PCSK2: variants seen among roughly 807,000 people sequenced by gnomAD.
The protein encoded by PCSK2 is proprotein convertase subtilisin/kexin type 2, also known as neuroendocrine convertase 2.
Under a neutral mutation model 69.7 loss-of-function variants are expected in PCSK2, and 14 were observed. The observed-to-expected ratio is 0.20, with a 90% CI of 0.13 to 0.31. The LOEUF (loss-of-function observed/expected upper bound fraction) is 0.31. Ranked by LOEUF, PCSK2 falls within the 10% of genes least tolerant of loss-of-function variation. PCSK2 has a pLI of 1.00. For missense variants in PCSK2, 544 were observed against 842.5 expected, an observed-to-expected ratio of 0.65 and a Z score of 4.39; for synonymous variants, 307 against 320.7, an observed-to-expected ratio of 0.96 and a Z score of 0.46.
chr20:17,386,259 T>C (rs1390479947), intron 5 of PCSK2, among the ~76,000 whole-genome samples: 2 of 152,192 alleles, frequency 1.3e-5, no homozygotes, highest in Non-Finnish European at 2.9e-5. Context: ...GGATAAAATA[T>C]AAATAAATAT....
At chr20:17,449,443 C>G (rs1460744792) in intron 8 of PCSK2, among the ~76,000 whole-genome samples, 1 of 149,678 alleles carries the variant, frequency 6.7e-6, no homozygotes, top group African/African-American at 2.5e-5. Context: ...CAATATTTGC[C>G]TGGCTGAATT....
At chr20:17,323,144 C>G in intron 2 of PCSK2, among the ~76,000 whole-genome samples, 1 of 152,192 alleles carries the variant, frequency 6.6e-6, no homozygotes, top group Non-Finnish European at 1.5e-5. Context: ...GGATTACAGG[C>G]GTGAGTCACC....
At chr20:17,389,398 A>G (rs1342104538) in intron 5 of PCSK2, among the ~76,000 whole-genome samples, 1 of 152,208 alleles carries the variant, frequency 6.6e-6, no homozygotes, top group Non-Finnish European at 1.5e-5. Flanking sequence ...GATATAGAGT[A>G]TATGTCCACA....
At chr20:17,393,209 C>A (rs993135691) in intron 5 of PCSK2, among the ~76,000 whole-genome samples, 1 of 152,072 alleles carries the variant, frequency 6.6e-6, no homozygotes, top group Non-Finnish European at 1.5e-5. Flanking sequence ...ATCACTTGCC[C>A]GTTTTTATTT....
chr20:17,232,681 C>T (rs889096890), intron 1 of PCSK2, among the ~76,000 whole-genome samples: 1 of 152,190 alleles, frequency 6.6e-6, no homozygotes, highest in African/African-American at 2.4e-5. Context: ...TATGCTTTTA[C>T]TTCTACTTTG....
rs117863199 is a variant in PCSK2, at chr20:17,295,362, A to T, written c.282+35018A>T. ...AACCCAGACAGTCTGATTCAGAGCC[A>T]GGAACACTCTACCACCGTGCAATAC... On this transcript the variant is annotated intron_variant, in intron 2 of 11. Transcript: ENST00000262545. 3.3e-5 allele frequency among the ~76,000 whole-genome samples: 5 copies of T among 152,190 alleles called. No homozygotes were observed. The South Asian group carries it at 1.0e-3, about 32-fold the overall frequency.
intron 2 of PCSK2, among the ~76,000 whole-genome samples, chr20:17,306,222 T>C (rs1039686734): frequency 1.3e-5 from 2 of 152,230 alleles, no homozygotes; most frequent in African/African-American, 4.8e-5. Context: ...TCTTGGTTTG[T>C]AGATAAATTA....
intron 7 of PCSK2, among the ~76,000 whole-genome samples, chr20:17,436,506 A>T (rs2032487109): frequency 6.6e-6 from 1 of 152,214 alleles, no homozygotes; most frequent in East Asian, 1.9e-4. Context: ...TCATTACATC[A>T]GCAAAGATGT....
chr20:17,433,189 A>G (rs940553167), intron 7 of PCSK2, among the ~76,000 whole-genome samples: 2 of 152,238 alleles, frequency 1.3e-5, no homozygotes, highest in African/African-American at 2.4e-5. Flanking sequence ...ACTGTTGACC[A>G]TTGTGAAAAT....
chr20:17,481,996 A>G lies in PCSK2; in HGVS notation c.1843A>G (p.Lys615Glu). Residue 615 changes from lysine to glutamate, a missense_variant, in exon 12 of 12, where the codon AAG becomes GAG. Physicochemically the swap from Lys to Glu is moderately conservative, Grantham distance 56. This residue lies in a region of PCSK2 where 200 missense variants were observed against 287.8 expected (regional missense o/e 0.69). Transcript: ENST00000262545. ...TTACCAGTCCAAGTTGGCCATGTCCAAGAAAGAGGAGCTGGAGGAAGAGCT... is the reference window on the plus strand; with the variant it reads ...TTACCAGTCCAAGTTGGCCATGTCCGAGAAAGAGGAGCTGGAGGAAGAGCT... ...RDYQSKLAMSKKEELEEELDE... is the reference protein window; with the variant it reads ...RDYQSKLAMSEKEELEEELDE... 12 of 1,612,466 alleles carry G rather than the reference A, an allele frequency of 7.4e-6. No individual in the cohort carries two copies. Among genetic ancestry groups the G allele is most frequent in the Non-Finnish European group, 1.0e-5 (12 of 1,179,726 alleles).
At chr20:17,254,528 T>A (rs140761225) in intron 1 of PCSK2, among the ~76,000 whole-genome samples, 113 of 152,310 alleles carry the variant, frequency 7.4e-4, no homozygotes, top group African/African-American at 2.6e-3. Flanking sequence ...CATAAATTAT[T>A]TCTGGATTCA....
intron 5 of PCSK2, among the ~76,000 whole-genome samples, chr20:17,390,624 C>T (rs145331436): frequency 6.6e-5 from 10 of 152,256 alleles, no homozygotes; most frequent in East Asian, 5.8e-4. Context: ...ACTCTCCAAT[C>T]GCTGTACACT....
chr20:17,241,245 A>G lies in PCSK2; in HGVS notation c.177+13763A>G, dbSNP rs1986560146. Among the ~76,000 whole-genome samples, 2 of 152,248 alleles carry G rather than the reference A, an allele frequency of 1.3e-5. 1 individual carries two copies. The highest frequency in any genetic ancestry group is 4.1e-4 in the South Asian group (2 of 4,834). Reference sequence around the variant, plus strand: ...GGAAGAGGTTTATAAAGAAAACCACAGGATGTGCAATGAAATGGGCACGGT... The same window carrying G: ...GGAAGAGGTTTATAAAGAAAACCACGGGATGTGCAATGAAATGGGCACGGT... On this transcript the variant is annotated intron_variant, in intron 1 of 11. Coordinates refer to ENST00000262545, the MANE Select transcript of PCSK2 (RefSeq NM_002594.5).
chr20:17,310,542 G>C (rs1250643503), intron 2 of PCSK2, among the ~76,000 whole-genome samples: 2 of 152,020 alleles, frequency 1.3e-5, no homozygotes, highest in African/African-American at 4.8e-5. Flanking sequence ...ATCCATGCAT[G>C]TGCAGTTATT....
chr20:17,326,941 T>C (rs1478612448), intron 2 of PCSK2, among the ~76,000 whole-genome samples: 1 of 152,150 alleles, frequency 6.6e-6, no homozygotes, highest in Non-Finnish European at 1.5e-5. Context: ...CAGCCTCCCT[T>C]TGGGCTCCTT....
chr20:17,396,855 C>T (rs959476476), intron 5 of PCSK2, among the ~76,000 whole-genome samples: 1 of 152,114 alleles, frequency 6.6e-6, no homozygotes, highest in Non-Finnish European at 1.5e-5. Context: ...AGTTTTGTCA[C>T]CATGGGGGGC....
intron 2 of PCSK2, among the ~76,000 whole-genome samples, chr20:17,325,569 A>G (rs906216087): frequency 6.6e-6 from 1 of 152,242 alleles, no homozygotes. Context: ...TCAATTAACT[A>G]TTGCTACGTA....
At chr20:17,324,934 T>A (rs1886094533) in intron 2 of PCSK2, among the ~76,000 whole-genome samples, 1 of 152,126 alleles carries the variant, frequency 6.6e-6, no homozygotes, top group Non-Finnish European at 1.5e-5. Flanking sequence ...CCTACCAGGC[T>A]TTGTGCAGTG....
intron 11 of PCSK2, among the ~76,000 whole-genome samples, chr20:17,477,418 G>A (rs2033311422): frequency 6.6e-6 from 1 of 151,570 alleles, no homozygotes; most frequent in Admixed American, 6.6e-5. Context: ...AAGTTCACGA[G>A]GTATGAATAT....
Sources: gnomAD v4.1 joint callset for allele counts (sites outside exome capture counted in the v4.1 genomes callset) on GRCh38, gnomAD v4.1.1 for gene constraint, gnomAD v4.1.1 regional missense constraint, MANE v1.5 for transcripts, NCBI Gene and HGNC (gene_info 2026-07-23, HGNC 2026-07-21) for gene names.